The following BMP10 variants were observed in gnomAD, a reference collection of about 807,000 sequenced individuals.
BMP10 encodes the protein bone morphogenetic protein 10.
In BMP10, 9 loss-of-function variants were observed where a neutral mutation model predicts 29.9. The ratio of observed to expected loss-of-function variants is 0.30; its 90% CI spans 0.18 to 0.53. The LOEUF is 0.53. Ranked by LOEUF, BMP10 falls within the 20% of genes least tolerant of loss-of-function variation. The pLI, the probability that BMP10 is intolerant of heterozygous loss-of-function variation, is 0.96. For synonymous variants in BMP10, 202 were observed against 200.2 expected, an observed-to-expected ratio of 1.01 and a Z score of -0.07; for missense variants, 474 against 524.3, an observed-to-expected ratio of 0.90 and a Z score of 0.94.
Position 68,871,330 on chromosome 2 carries a change from G to A in BMP10, c.29C>T (p.Ala10Val), listed in dbSNP as rs1683062561. Residue 10 changes from alanine to valine, a missense_variant, in exon 1 of 2, where the codon GCT becomes GTT. This residue lies in a region of BMP10 where 408 missense variants were observed against 415.3 expected (regional missense o/e 0.98). Transcript: ENST00000295379. ...CAAGTAAGCTGCCAGGCAGAAAAGA[G>A]CGCACAGTGTCAGGACCAGAGAGCC... The part of the protein sequence containing the change: MGSLVLTLC[A>V]LFCLAAYLVS... 6.2e-7 allele frequency: 1 copy of A among 1,614,084 alleles called. No individual in the cohort carries two copies. The highest frequency in any genetic ancestry group is 8.5e-7 in the Non-Finnish European group (1 of 1,179,990).
Position 68,871,073 on chromosome 2 carries a change from G to C in BMP10, c.286C>G (p.Arg96Gly), listed in dbSNP as rs139133708. 283 of 1,613,992 alleles carry C rather than the reference G, an allele frequency of 1.8e-4. No individual in the cohort carries two copies. In the African/African-American group the frequency reaches 3.4e-3, roughly 19 times the overall value. Residue 96 changes from arginine (R) to glycine (G), a missense_variant, in exon 1 of 2, where the codon CGG becomes GGG. By Grantham distance (125) the Arg-to-Gly change is moderately radical. Transcript: ENST00000295379. ...LELYNKFATD[R>G]TSMPSANIIR... ...ATGTTGGCAGAGGGCATGGAGGTCC[G>C]ATCTGTTGCAAATTTGTTGTAGAGT...
chr2:68,868,781 A>G (rs1314398008), intron 1 of BMP10, among the ~76,000 whole-genome samples: 1 of 152,228 alleles, frequency 6.6e-6, no homozygotes, highest in Non-Finnish European at 1.5e-5. Context: ...GGAGGAAGGC[A>G]TTACAAAGTA....
Position 68,865,397 on chromosome 2 carries a change from T to C in BMP10, c.*234A>G, listed in dbSNP as rs1682931360. Reference sequence around the variant, plus strand: ...GACACTGTATTTTGCCTAGGGGTTGTTTTCAAATCAACAGGGAGGTGGCAT... The same window carrying C: ...GACACTGTATTTTGCCTAGGGGTTGCTTTCAAATCAACAGGGAGGTGGCAT... On this transcript the variant is annotated 3_prime_UTR_variant, in exon 2 of 2. Transcript: ENST00000295379. This position sits in a 1 kb window ranked among gnomAD's most constrained non-coding sequence, Gnocchi z 4.7. The C allele has an allele frequency of 3.7e-6, 2 of 535,018 alleles. No individual in the cohort carries two copies. Among genetic ancestry groups the C allele is most frequent in the Admixed American group, 6.5e-5 (2 of 30,716 alleles). 33.1% of individuals were successfully genotyped at this position (535,018 alleles called of 1,614,324 possible). A position where few individuals can be genotyped will look rare whatever the true frequency, so the allele number is the denominator to read the frequency against.
At position 68,863,851 on chromosome 2, in the gene BMP10, G is replaced by A. The variant is rs182965380; in HGVS notation, c.*1780C>T. On this transcript the variant is annotated 3_prime_UTR_variant, in exon 2 of 2. Transcript: ENST00000295379. The stretch of plus-strand genomic sequence containing the variant: ...GGGTAAAAAAAAGAAAAAAGTGTCA[G>A]ACTTCTTAAGGAAGCATTCCTTAAG... Among the ~76,000 whole-genome samples, 4 of 152,270 alleles carry A rather than the reference G, an allele frequency of 2.6e-5. No individual in the cohort carries two copies. The highest frequency in any genetic ancestry group is 9.6e-5 in the African/African-American group (4 of 41,566).
Position 68,864,820 on chromosome 2 carries a change from C to T in BMP10, c.*811G>A, listed in dbSNP as rs1682922409. Among the ~76,000 whole-genome samples, 1 of 152,178 alleles carries T rather than the reference C, an allele frequency of 6.6e-6. No homozygotes were observed. Among genetic ancestry groups the T allele is most frequent in the Non-Finnish European group, 1.5e-5 (1 of 68,020 alleles). On this transcript the variant is annotated 3_prime_UTR_variant, in exon 2 of 2. Coordinates refer to ENST00000295379, the MANE Select transcript of BMP10 (RefSeq NM_014482.3). ...ATAACATCAATATCCTCTTCCCTTT[C>T]TCCCTTTCTCCCCTTCAAGTACCCT...
chr2:68,871,252 A>G lies in BMP10; in HGVS notation c.107T>C (p.Met36Thr), dbSNP rs994934902. The G allele has an allele frequency of 1.2e-5, 20 of 1,614,030 alleles. No homozygotes were observed. The South Asian group carries it at 2.0e-4, about 16-fold the overall frequency. ...NLEQSPLEED[M>T]SLFGDVFSEQ... is the part of the protein sequence containing the mutation. The stretch of plus-strand genomic sequence containing the variant: ...TGAGAAAACATCACCAAAGAGGGAC[A>G]TATCTTCTTCCAGAGGAGACTGCTC... Residue 36 changes from methionine to threonine, a missense_variant, in exon 1 of 2, where the codon ATG (methionine) becomes ACG (threonine). By Grantham distance (81) the Met-to-Thr change is moderately conservative (BLOSUM62 -1). Transcript: ENST00000295379.
Position 68,871,041 on chromosome 2 carries a change from C to T in BMP10, c.318G>A (p.Arg106=). The change falls in exon 1 of 2, where the codon AGG becomes AGA. Residue 106 remains arginine, a synonymous_variant. Coordinates refer to ENST00000295379, the MANE Select transcript of BMP10 (RefSeq NM_014482.3). ...AAAACTTACCTTCATTCTTGAAACT[C>T]CTAATGATGTTGGCAGAGGGCATGG... ...RTSMPSANII[R]SFKNEDLFSQ... is the part of the protein sequence containing the mutation. The T allele has an allele frequency of 6.2e-7, 1 of 1,611,360 alleles. No homozygotes were observed. Among genetic ancestry groups the T allele is most frequent in the Non-Finnish European group, 8.5e-7 (1 of 1,177,798 alleles).
At position 68,871,273 on chromosome 2, in the gene BMP10, T is replaced by G. The variant is rs745609188; in HGVS notation, c.86A>C (p.Gln29Pro). The change falls in exon 1 of 2, where the codon CAG becomes CCG. Residue 29 changes from glutamine to proline, a missense_variant. By Grantham distance (76) the Gln-to-Pro change is moderately conservative (BLOSUM62 -1). Coordinates refer to ENST00000295379, the MANE Select transcript of BMP10 (RefSeq NM_014482.3). ...GGACATATCTTCTTCCAGAGGAGAC[T>G]GCTCTAGGTTCATGATGGGGCTGCC... is the stretch of plus-strand genomic sequence containing the variant. ...VSGSPIMNLE[Q>P]SPLEEDMSLF... is the part of the protein sequence containing the mutation. The G allele has an allele frequency of 7.4e-6, 12 of 1,614,032 alleles. No homozygotes were observed. The highest frequency in any genetic ancestry group is 1.7e-5 in the Admixed American group (1 of 60,004).
chr2:68,861,305 C>G lies in BMP10; in HGVS notation c.*4326G>C, dbSNP rs984033673. 6.6e-6 allele frequency among the ~76,000 whole-genome samples: 1 copy of G among 152,194 alleles called. No homozygotes were observed. The highest frequency in any genetic ancestry group is 1.5e-5 in the Non-Finnish European group (1 of 68,034). ...GGGCGCTGGCACATTGGCCGCCCCA[C>G]CACTATCAAGCCAGGTGCTCACAAA... On this transcript the variant is annotated 3_prime_UTR_variant, in exon 2 of 2. Coordinates refer to ENST00000295379, the MANE Select transcript of BMP10 (RefSeq NM_014482.3).
chr2:68,869,727 C>A (rs1479157208), intron 1 of BMP10, among the ~76,000 whole-genome samples: 1 of 152,136 alleles, frequency 6.6e-6, no homozygotes, highest in Non-Finnish European at 1.5e-5. Context: ...TCTCAACTTG[C>A]CATTTCCATG....
intron 1 of BMP10, among the ~76,000 whole-genome samples, chr2:68,869,564 G>A (rs1683032466): frequency 2.0e-5 from 3 of 152,156 alleles, no homozygotes; most frequent in Admixed American, 6.5e-5. Flanking sequence ...AACGGAAAAC[G>A]TTTCTAGTTT....
intron 1 of BMP10, among the ~76,000 whole-genome samples, chr2:68,868,518 C>T (rs375615898): frequency 1.1e-3 from 167 of 152,292 alleles, no homozygotes; most frequent in African/African-American, 3.8e-3. Flanking sequence ...TGTCTCTATC[C>T]TACTATGATG....
chr2:68,865,781 C>G lies in BMP10; in HGVS notation c.1125G>C (p.Leu375Phe). 6.2e-7 allele frequency: 1 copy of G among 1,614,060 alleles called. No individual in the cohort carries two copies. The highest frequency in any genetic ancestry group is 8.5e-7 in the Non-Finnish European group (1 of 1,179,968). Reference protein sequence around the residue: ...TPTKHAIIQALVHLKNSQKAS... With the variant: ...TPTKHAIIQAFVHLKNSQKAS... ...CTTTCTGGGAATTCTTGAGGTGGAC[C>G]AAGGCCTGGATAATTGCATGCTTTG... Residue 375 changes from leucine (L) to phenylalanine (F), a missense_variant, in exon 2 of 2, where the codon TTG (leucine) becomes TTC (phenylalanine). Transcript: ENST00000295379. The surrounding 1 kb of genome is among the most constrained non-coding windows in gnomAD (Gnocchi z 4.7).
At chr2:68,867,311 T>G (rs1159022146) in intron 1 of BMP10, among the ~76,000 whole-genome samples, 1 of 152,196 alleles carries the variant, frequency 6.6e-6, no homozygotes, top group Non-Finnish European at 1.5e-5. Context: ...TGACTTCTGT[T>G]CTAGGCAACA....
chr2:68,870,909 A>G (rs1396478507), intron 1 of BMP10, 116 bp downstream of exon 1: 34 of 936,656 alleles, frequency 3.6e-5, no homozygotes, highest in Middle Eastern at 2.6e-4. Flanking sequence ...ATCCATATGT[A>G]TTTAACATCC....
Position 68,865,938 on chromosome 2 carries a change from C to G in BMP10, c.968G>C (p.Cys323Ser). ...GTCGATGTAGAGCGGGGTCCTCTTA[C>G]AGTAGTTTCCTTTGGCGTTCCTTCT... is the stretch of plus-strand genomic sequence containing the variant. ...RIRRNAKGNY[C>S]KRTPLYIDFK... Residue 323 changes from cysteine to serine, a missense_variant, in exon 2 of 2, where the codon TGT becomes TCT. Cys to Ser is a moderately radical substitution (Grantham distance 112, BLOSUM62 -1). Coordinates refer to ENST00000295379, the MANE Select transcript of BMP10 (RefSeq NM_014482.3). This position sits in a 1 kb window ranked among gnomAD's most constrained non-coding sequence, Gnocchi z 4.7. 6.2e-7 allele frequency: 1 copy of G among 1,614,072 alleles called. No homozygotes were observed. Among genetic ancestry groups the G allele is most frequent in the Non-Finnish European group, 8.5e-7 (1 of 1,179,986 alleles).
rs144680611 is a variant in BMP10 at position 68,866,430 on chromosome 2, T to C, written c.476A>G (p.Asp159Gly). Reference protein sequence around the residue: ...TLVQRDRMIYDGVDRKITIFE... With the variant: ...TLVQRDRMIYGGVDRKITIFE... ...AATGGTAATTTTCCGGTCTACTCCA[T>C]CGTATATCATACGATCCCTTTGCAC... Residue 159 changes from aspartate to glycine, a missense_variant, in exon 2 of 2, where the codon GAT becomes GGT. Transcript: ENST00000295379. The C allele has an allele frequency of 2.9e-5, 46 of 1,613,840 alleles. No homozygotes were observed. Among genetic ancestry groups the C allele is most frequent in the Non-Finnish European group, 3.8e-5 (45 of 1,179,960 alleles).
intron 1 of BMP10, among the ~76,000 whole-genome samples, chr2:68,866,950 T>C (rs1682970194): frequency 6.6e-6 from 1 of 152,130 alleles, no homozygotes; most frequent in Non-Finnish European, 1.5e-5. Context: ...ATGGGACATG[T>C]GGTGATTGTT....
rs1682893711 is a variant in BMP10 at position 68,863,239 on chromosome 2, G to T, written c.*2392C>A. Among the ~76,000 whole-genome samples, 1 of 152,204 alleles carries T rather than the reference G, an allele frequency of 6.6e-6. No homozygotes were observed. The highest frequency in any genetic ancestry group is 1.5e-5 in the Non-Finnish European group (1 of 68,040). On this transcript the variant is annotated 3_prime_UTR_variant, in exon 2 of 2. Coordinates refer to ENST00000295379, the MANE Select transcript of BMP10 (RefSeq NM_014482.3). ...GCAGCTCAAGATAGACCATGTAGGA[G>T]CGTTTGCAGCATTGAAATCCACAAA...
Sources: gnomAD v4.1 joint callset for allele counts (sites outside exome capture counted in the v4.1 genomes callset) on GRCh38, gnomAD v4.1.1 for gene constraint, gnomAD v4.1.1 regional missense constraint, Gnocchi (gnomAD v3.1) non-coding constraint, MANE v1.5 for transcripts, NCBI Gene and HGNC (gene_info 2026-07-23, HGNC 2026-07-21) for gene names.